Variants in ARSB observed in about 807,000 individuals in gnomAD.
ARSB encodes the protein N-acetylgalactosamine-4-sulfatase.
A neutral mutation model predicts 50.9 loss-of-function variants in ARSB; 41 were observed. The ratio of observed to expected loss-of-function variants is 0.81; its 90% CI spans 0.63 to 1.04. The LOEUF is 1.04. Ranked by LOEUF, ARSB falls within the 50% of genes least tolerant of loss-of-function variation. The pLI is 0.00. For missense variants in ARSB, 672 were observed against 693.3 expected, an observed-to-expected ratio of 0.97 and a Z score of 0.35; for synonymous variants, 269 against 284.8, an observed-to-expected ratio of 0.94 and a Z score of 0.56.
At chr5:78,957,178 G>C (rs920551615) in intron 3 of ARSB, among the ~76,000 whole-genome samples, 7 of 146,900 alleles carry the variant, frequency 4.8e-5, no homozygotes, top group Non-Finnish European at 1.1e-4. Context: ...AAGCCTCAAA[G>C]AGACAACAAC....
chr5:78,830,544 T>A (rs1182673650), intron 6 of ARSB, among the ~76,000 whole-genome samples: 2 of 152,208 alleles, frequency 1.3e-5, no homozygotes, highest in African/African-American at 4.8e-5. Flanking sequence ...TTGGTTTGTG[T>A]ATTTTCTCGG....
chr5:78,807,499 CGGGCAAG>C (rs751115259), intron 6 of ARSB, among the ~76,000 whole-genome samples: 9 of 152,166 alleles, frequency 5.9e-5, no homozygotes, highest in Admixed American at 5.2e-4. Flanking sequence ...AGCCTAAGCC[CGGGCAAG>C]GAGCACTTCA....
chr5:78,940,499 A>G (rs1241589847), intron 4 of ARSB, among the ~76,000 whole-genome samples: 1 of 152,220 alleles, frequency 6.6e-6, no homozygotes, highest in Non-Finnish European at 1.5e-5. Flanking sequence ...AGCTTTCTAC[A>G]TATGGCTAGC....
At chr5:78,972,923 A>G (rs1340481702) in intron 1 of ARSB, among the ~76,000 whole-genome samples, 1 of 152,254 alleles carries the variant, frequency 6.6e-6, no homozygotes, top group East Asian at 1.9e-4. Context: ...TTTATTTGAC[A>G]GAGCATTTTT....
In ARSB at chr5:78,885,654, C is replaced by T. The variant is rs1065757; in HGVS notation, c.1072G>A (p.Val358Met). The T allele has an allele frequency of 0.41, 665,917 of 1,613,786 alleles. 144,405 individuals carry two copies. Among genetic ancestry groups the T allele is most frequent in the Non-Finnish European group, 0.44 (518,366 of 1,179,914 alleles). ...IHISDWLPTL[V>M]KLARGHTNGT... ...TTGGTGTGTCCCCTGGCCAGCTTCA[C>T]GAGTGTTGGCAGCCAGTCAGAGATG... is the stretch of plus-strand genomic sequence containing the variant. Residue 358 changes from valine (V) to methionine (M), a missense_variant, in exon 5 of 8, where the codon GTG becomes ATG. Transcript: ENST00000264914.
intron 4 of ARSB, among the ~76,000 whole-genome samples, chr5:78,943,222 G>C (rs559866824): frequency 1.3e-5 from 2 of 152,278 alleles, no homozygotes; most frequent in South Asian, 4.1e-4. Flanking sequence ...GATGGGTCTT[G>C]ACTCTTTATC....
intron 4 of ARSB, among the ~76,000 whole-genome samples, chr5:78,928,289 T>C (rs1344330620): frequency 2.0e-4 from 30 of 149,762 alleles, no homozygotes; most frequent in Non-Finnish European, 7.4e-5. Flanking sequence ...GCAACTGTGA[T>C]TGCCATTTGC....
chr5:78,858,915 T>C (rs78356414), intron 5 of ARSB, among the ~76,000 whole-genome samples: 2,815 of 152,354 alleles, frequency 0.018, 34 homozygotes, highest in Non-Finnish European at 0.029. Context: ...AGGTTGTTAT[T>C]TGTTACATTT....
chr5:78,817,660 T>A (rs1408959273), intron 6 of ARSB, among the ~76,000 whole-genome samples: 1 of 150,994 alleles, frequency 6.6e-6, no homozygotes, highest in African/African-American at 2.4e-5. Context: ...AATACAAGAA[T>A]TAGCTGGGTG....
Position 78,985,152 on chromosome 5 carries a change from C to A in ARSB, c.97G>T (p.Ala33Ser), listed in dbSNP as rs1189828936. Residue 33 changes from alanine to serine, a missense_variant, in exon 1 of 8, where the codon GCG becomes TCG. Physicochemically the swap from Ala to Ser is moderately conservative, Grantham distance 99. Transcript: ENST00000264914. ...GCCCCGGCGCCCGAGCCCGGCGGCG[C>A]CAACAACAGCAGCAGCAGCAGCGGG... ...VLPLLLLLLLAPPGSGAGASR... is the reference protein window; with the variant it reads ...VLPLLLLLLLSPPGSGAGASR... 4 of 1,455,000 alleles carry A rather than the reference C, an allele frequency of 2.7e-6. No homozygotes were observed. The South Asian group carries it at 4.2e-5, about 15-fold the overall frequency. The allele number at this position is 1,455,000 out of a possible 1,614,324, so 90.1% of individuals were successfully genotyped here.
intron 2 of ARSB, among the ~76,000 whole-genome samples, chr5:78,966,451 G>C (rs1455288561): frequency 6.6e-6 from 1 of 152,172 alleles, no homozygotes; most frequent in African/African-American, 2.4e-5. Flanking sequence ...TACCACACAA[G>C]TCACTCATTT....
At chr5:78,920,904 GC>G (rs1293717806) in intron 4 of ARSB, among the ~76,000 whole-genome samples, 4 of 152,112 alleles carry the variant, frequency 2.6e-5, no homozygotes, top group African/African-American at 7.2e-5. Context: ...CAGGTTAGAA[GC>G]CCATGCTATC....
chr5:78,914,769 C>G (rs540420503), intron 4 of ARSB, among the ~76,000 whole-genome samples: 1 of 152,194 alleles, frequency 6.6e-6, no homozygotes, highest in Non-Finnish European at 1.5e-5. Context: ...CAGGTTCAAG[C>G]GATTCTCCTG....
chr5:78,816,529 G>C (rs1743999315), intron 6 of ARSB, among the ~76,000 whole-genome samples: 1 of 152,304 alleles, frequency 6.6e-6, no homozygotes, highest in Non-Finnish European at 1.5e-5. Context: ...TTACTCCTGA[G>C]ATTATGTTAT....
At chr5:78,807,216 T>A (rs1397798890) in intron 6 of ARSB, among the ~76,000 whole-genome samples, 1 of 152,172 alleles carries the variant, frequency 6.6e-6, no homozygotes, top group African/African-American at 2.4e-5. Context: ...TGAGACATAA[T>A]AGAAACATTT....
Position 78,869,336 on chromosome 5 carries a change from C to T in ARSB, c.1142+16248G>A, listed in dbSNP as rs1310429218. On this transcript the variant is annotated intron_variant, in intron 5 of 7. Transcript: ENST00000264914. ...ACCTAATAGACATCTACAGAACTCTCCACCCCAAGTCAACAGAATATACAT... is the reference window on the plus strand; with the variant it reads ...ACCTAATAGACATCTACAGAACTCTTCACCCCAAGTCAACAGAATATACAT... 6.4e-5 allele frequency among the ~76,000 whole-genome samples: 9 copies of T among 140,470 alleles called. No homozygotes were observed. The East Asian group carries it at 1.6e-3, about 25-fold the overall frequency. 92.2% of individuals were successfully genotyped at this position (140,470 alleles called of 152,430 possible).
upstream of ARSB, chr5:78,985,335 C>T (rs978757218): frequency 2.2e-5 from 26 of 1,165,560 alleles, no homozygotes; most frequent in African/African-American, 3.4e-4. Context: ...CCGGGGCCTG[C>T]TCCGCCCCGG....
At chr5:78,847,642 T>C (rs916191181) in intron 5 of ARSB, among the ~76,000 whole-genome samples, 2 of 152,232 alleles carry the variant, frequency 1.3e-5, no homozygotes, top group Non-Finnish European at 2.9e-5. Context: ...AGAATTTTTA[T>C]TAGTTCTTTA....
At chr5:78,968,608 C>T (rs917228899) in intron 2 of ARSB, among the ~76,000 whole-genome samples, 2 of 152,090 alleles carry the variant, frequency 1.3e-5, no homozygotes, top group African/African-American at 4.8e-5. Context: ...TTCGGCCTCC[C>T]AAAGTGCTGG....
Sources: allele counts gnomAD v4.1 joint callset (sites outside exome capture counted in the v4.1 genomes callset), GRCh38; gene constraint gnomAD v4.1.1; transcripts MANE v1.5; gene names NCBI Gene and HGNC (gene_info 2026-07-23, HGNC 2026-07-21).